The following ATXN7 variants were observed in gnomAD, a reference collection of about 807,000 sequenced individuals.
ATXN7 encodes ataxin-7.
In ATXN7, 12 loss-of-function variants were observed where a neutral mutation model predicts 70.5. The observed-to-expected ratio is 0.17, with a 90% CI of 0.11 to 0.28. ATXN7 has a LOEUF of 0.28. Ranked by LOEUF, ATXN7 falls within the 10% of genes least tolerant of loss-of-function variation. ATXN7 has a pLI of 1.00. For synonymous variants in ATXN7, 498 were observed against 448.7 expected (o/e 1.11, Z -1.39); for missense variants, 1,256 against 1,131.7 (o/e 1.11, Z -1.58).
intron 3 of ATXN7, 105 bp from the exon 4 acceptor site, chr3:63,913,052 G>A (rs889065976): frequency 2.6e-5 from 39 of 1,480,564 alleles, no homozygotes; most frequent in Non-Finnish European, 3.5e-5. Flanking sequence ...GCTGGGTTGC[G>A]GAACGCGGAG....
At chr3:63,934,893 A>G (rs578241837) in intron 4 of ATXN7, among the ~76,000 whole-genome samples, 11 of 152,212 alleles carry the variant, frequency 7.2e-5, no homozygotes, top group Non-Finnish European at 1.3e-4. Flanking sequence ...GTAGGATTAC[A>G]GTAGTTAATC....
In ATXN7 at chr3:63,939,702, T is replaced by G. The variant is rs1187233714; in HGVS notation, c.395-12677T>G. On this transcript the variant is annotated intron_variant, in intron 4 of 12. Transcript: ENST00000674280. ...TGTAAGTACAGAGAATTCTATAGTG[T>G]TTTAACTTGCCCTATTTCAACCTCT... Among the ~76,000 whole-genome samples the G allele has an allele frequency of 2.0e-5, 3 of 152,104 alleles. 1 individual carries two copies. The highest frequency in any genetic ancestry group is 4.4e-5 in the Non-Finnish European group (3 of 68,026).
At chr3:63,962,817 A>G (rs2075153013) in intron 5 of ATXN7, among the ~76,000 whole-genome samples, 1 of 152,068 alleles carries the variant, frequency 6.6e-6, no homozygotes, top group South Asian at 2.1e-4. Flanking sequence ...CTGTTGTGCT[A>G]CTTGAGTCTC....
Position 63,983,086 on chromosome 3 carries a change from A to T in ATXN7, c.1095+65A>T. On this transcript the variant is annotated intron_variant, in intron 8 of 12. Coordinates refer to ENST00000674280, the MANE Select transcript of ATXN7 (RefSeq NM_001377405.1). Reference sequence around the variant, plus strand: ...AACATGGGTGACTGGGATGTACCACACTACTCCCACAGTCTCTCTAACCCA... The same window carrying T: ...AACATGGGTGACTGGGATGTACCACTCTACTCCCACAGTCTCTCTAACCCA... 4 of 1,226,632 alleles carry T rather than the reference A, an allele frequency of 3.3e-6. No individual in the cohort carries two copies. In the South Asian group the frequency reaches 4.8e-5, roughly 15 times the overall value. 76.0% of individuals were successfully genotyped at this position (1,226,632 alleles called of 1,614,324 possible).
In ATXN7 at chr3:63,980,008, G is replaced by A. The variant is rs1368471133; in HGVS notation, c.593G>A (p.Gly198Asp). ...FFPSLSKSKG[G>D]SASGSNRSSS... The stretch of plus-strand genomic sequence containing the variant: ...CCTTCTCTGTCCAAAAGCAAAGGAG[G>A]CAGTGCAAGTGGAAGCAACCGTTCT... Residue 198 changes from glycine to aspartate, a missense_variant, in exon 6 of 13, where the codon GGC (glycine) becomes GAC (aspartate). Physicochemically the swap from Gly to Asp is moderately conservative, Grantham distance 94 (BLOSUM62 -1). Coordinates refer to ENST00000674280, the MANE Select transcript of ATXN7 (RefSeq NM_001377405.1). 1.9e-6 allele frequency: 3 copies of A among 1,614,140 alleles called. No individual in the cohort carries two copies. Among genetic ancestry groups the A allele is most frequent in the Admixed American group, 1.7e-5 (1 of 60,006 alleles).
At chr3:63,945,278 A>G (rs2074841398) in intron 4 of ATXN7, among the ~76,000 whole-genome samples, 1 of 152,236 alleles carries the variant, frequency 6.6e-6, no homozygotes. Context: ...ATAGCTAGTA[A>G]GAGGAAGAGT....
Position 63,980,028 on chromosome 3 carries a change from C to A in ATXN7, c.613C>A (p.Arg205Ser), listed in dbSNP as rs201993621. Residue 205 changes from arginine to serine, a missense_variant, in exon 6 of 13, where the codon CGT becomes AGT. Transcript: ENST00000674280. ...SKGGSASGSN[R>S]SSSGGVLSAS... The stretch of plus-strand genomic sequence containing the variant: ...AGGAGGCAGTGCAAGTGGAAGCAAC[C>A]GTTCTTCCAGTGGAGGTGTTCTTAG... 5.0e-6 allele frequency: 8 copies of A among 1,614,166 alleles called. No homozygotes were observed. The highest frequency in any genetic ancestry group is 4.0e-5 in the African/African-American group (3 of 75,052).
chr3:63,913,012 C>A, intron 3 of ATXN7, 89 bp downstream of exon 3: 1 of 1,395,630 alleles, frequency 7.2e-7, no homozygotes, highest in South Asian at 1.2e-5. Flanking sequence ...CTGTGACCCG[C>A]CCCCTCGAGG....
rs1267178272 is a variant in ATXN7 at position 63,912,643 on chromosome 3, C to T, written c.45C>T (p.Arg15=). 3.9e-6 allele frequency: 4 copies of T among 1,027,528 alleles called. No individual in the cohort carries two copies. Among genetic ancestry groups the T allele is most frequent in the African/African-American group, 3.5e-5 (2 of 57,056 alleles). 63.7% of individuals were successfully genotyped at this position (1,027,528 alleles called of 1,614,324 possible). A position where few individuals can be genotyped will look rare whatever the true frequency, so the allele number is the denominator to read the frequency against. The part of the protein sequence containing the change: ...AADDVRGEPR[R]AAAAAGGAAA... The stretch of plus-strand genomic sequence containing the variant: ...ATGACGTCAGGGGGGAGCCGCGCCG[C>T]GCGGCGGCGGCGGCGGGCGGAGCAG... Residue 15 remains arginine, a synonymous_variant, in exon 3 of 13, where the codon CGC becomes CGT. Coordinates refer to ENST00000674280, the MANE Select transcript of ATXN7 (RefSeq NM_001377405.1).
At chr3:63,881,330 G>A (rs1300619196) in intron 1 of ATXN7, among the ~76,000 whole-genome samples, 2 of 152,106 alleles carry the variant, frequency 1.3e-5, no homozygotes, top group African/African-American at 4.8e-5. Context: ...TTAGGGAATC[G>A]GTATGGGATT....
intron 5 of ATXN7, among the ~76,000 whole-genome samples, chr3:63,975,223 A>T (rs578181984): frequency 2.0e-5 from 3 of 152,364 alleles, no homozygotes; most frequent in African/African-American, 7.2e-5. Context: ...GTAGTTAGCC[A>T]CTTGCATGAT....
At chr3:63,863,790 T>A, upstream of ATXN7, 7 of 1,249,768 alleles carry the variant, frequency 5.6e-6, no homozygotes, top group Non-Finnish European at 7.0e-6. Flanking sequence ...ACGGCTCCCA[T>A]GGCGTGCGCG....
chr3:63,913,969 T>C (rs1022749643), intron 4 of ATXN7, among the ~76,000 whole-genome samples: 12 of 152,194 alleles, frequency 7.9e-5, no homozygotes, highest in Admixed American at 2.6e-4. Flanking sequence ...TTTTGTTGTC[T>C]AATACCTGCA....
intron 4 of ATXN7, among the ~76,000 whole-genome samples, chr3:63,941,122 A>G (rs1203484843): frequency 6.6e-6 from 1 of 152,188 alleles, no homozygotes; most frequent in Non-Finnish European, 1.5e-5. Context: ...TGACAATGTA[A>G]ACACTGTAAC....
Position 63,909,808 on chromosome 3 carries a change from C to T in ATXN7, c.-11-2780C>T, listed in dbSNP as rs1343023277. 2.6e-5 allele frequency among the ~76,000 whole-genome samples: 4 copies of T among 152,196 alleles called. No individual in the cohort carries two copies. In the East Asian group the frequency reaches 7.7e-4, roughly 29 times the overall value. ...TGGTTGAAGAAATACCAGGAAATGC[C>T]CGTCAATCTCTTGTCTGCACATCCT... On this transcript the variant is annotated intron_variant, in intron 2 of 12. Transcript: ENST00000674280.
At chr3:63,983,077 A>G (rs2075516620) in intron 8 of ATXN7, 56 bp downstream of exon 8, 3 of 1,351,138 alleles carry the variant, frequency 2.2e-6, no homozygotes, top group South Asian at 2.3e-5. Context: ...GGTGACTGGG[A>G]TGTACCACAC....
chr3:63,948,797 T>G (rs1302882892), intron 4 of ATXN7, among the ~76,000 whole-genome samples: 4 of 152,110 alleles, frequency 2.6e-5, no homozygotes, highest in Non-Finnish European at 5.9e-5. Context: ...TAGATGTGGG[T>G]GCTGGCCCAC....
intron 1 of ATXN7, among the ~76,000 whole-genome samples, chr3:63,871,114 T>A (rs1045108775): frequency 3.3e-5 from 5 of 152,180 alleles, no homozygotes; most frequent in Non-Finnish European, 7.3e-5. Flanking sequence ...CTCTACTGAT[T>A]TGCTTATTTT....
chr3:63,964,212 T>A (rs1320817099), intron 5 of ATXN7, among the ~76,000 whole-genome samples: 18 of 152,150 alleles, frequency 1.2e-4, no homozygotes, highest in Admixed American at 1.2e-3. Context: ...GTGATTATTT[T>A]AAAAAATATT....
Sources: allele counts gnomAD v4.1 joint callset (sites outside exome capture counted in the v4.1 genomes callset), GRCh38; gene constraint gnomAD v4.1.1; transcripts MANE v1.5; gene names NCBI Gene and HGNC (gene_info 2026-07-23, HGNC 2026-07-21).